Variants in SLC4A4 observed in about 807,000 individuals in gnomAD.
SLC4A4 encodes electrogenic sodium bicarbonate cotransporter 1.
In SLC4A4, 27 loss-of-function variants were observed where a neutral mutation model predicts 111.5. The observed-to-expected ratio is 0.24, with a 90% CI of 0.18 to 0.33. The LOEUF is 0.33. SLC4A4 is among the 10% of genes least tolerant of loss of function. SLC4A4 has a pLI of 1.00. For missense variants in SLC4A4, 909 were observed against 1,315.5 expected, an observed-to-expected ratio of 0.69 and a Z score of 4.78; for synonymous variants, 443 against 463.4, an observed-to-expected ratio of 0.96 and a Z score of 0.57.
At chr4:71,111,604 A>G (rs1447392782) in intron 2 of SLC4A4, among the ~76,000 whole-genome samples, 5 of 126,584 alleles carry the variant, frequency 3.9e-5, no homozygotes, top group African/African-American at 1.5e-4. Context: ...CTGGTCTTGA[A>G]CTCCTGACCT....
chr4:71,137,067 C>G (rs556894289), intron 2 of SLC4A4, among the ~76,000 whole-genome samples: 2 of 152,276 alleles, frequency 1.3e-5, no homozygotes, highest in South Asian at 4.1e-4. Flanking sequence ...GTCTGGCTCC[C>G]TTACCAGTTT....
intron 23 of SLC4A4, among the ~76,000 whole-genome samples, chr4:71,560,761 A>G (rs1199854960): frequency 6.6e-6 from 1 of 151,810 alleles, no homozygotes; most frequent in East Asian, 1.9e-4. Context: ...TTATACTGAT[A>G]TGATTCAGCA....
At chr4:71,090,117 C>T (rs1048982352) in intron 1 of SLC4A4, among the ~76,000 whole-genome samples, 17 of 152,046 alleles carry the variant, frequency 1.1e-4, no homozygotes, top group Admixed American at 2.0e-4. Context: ...CCCCCAGCCT[C>T]GCTGCCACCT....
chr4:71,121,943 C>CGGACGGGAGGAATGAACAACTCT (rs1743441270), intron 2 of SLC4A4, among the ~76,000 whole-genome samples: 1 of 152,032 alleles, frequency 6.6e-6, no homozygotes, highest in African/African-American at 2.4e-5. Context: ...TGAACAACTC[C>CGGACGGGAGGAATGAACAACTCT]GGACGGGAGG....
intron 2 of SLC4A4, among the ~76,000 whole-genome samples, chr4:71,105,721 G>A (rs1742896293): frequency 7.7e-6 from 1 of 130,144 alleles, no homozygotes; most frequent in Admixed American, 8.0e-5. Context: ...CTAGCCATAT[G>A]TAGAAAGCTG....
At chr4:71,454,647 A>C (rs977950523) in intron 12 of SLC4A4, among the ~76,000 whole-genome samples, 1 of 152,162 alleles carries the variant, frequency 6.6e-6, no homozygotes, top group Non-Finnish European at 1.5e-5. Context: ...GTCTAAATAC[A>C]AAAATACTAT....
At chr4:71,265,879 A>T (rs1722214865) in intron 3 of SLC4A4, among the ~76,000 whole-genome samples, 1 of 152,174 alleles carries the variant, frequency 6.6e-6, no homozygotes, top group Admixed American at 6.5e-5. Flanking sequence ...TGATTTTTAA[A>T]ATTACCAGCA....
At chr4:71,473,050 A>G (rs530337193) in intron 14 of SLC4A4, 80 bp downstream of exon 14, 44 of 1,446,546 alleles carry the variant, frequency 3.0e-5, no homozygotes, top group Non-Finnish European at 4.1e-5. Flanking sequence ...AATTTTCAAC[A>G]TGCTGTCATG....
At chr4:71,180,542 G>T (rs1745255216) in intron 2 of SLC4A4, among the ~76,000 whole-genome samples, 1 of 152,054 alleles carries the variant, frequency 6.6e-6, no homozygotes, top group Non-Finnish European at 1.5e-5. Flanking sequence ...GTGGGCAAAG[G>T]ATATGAACAG....
intron 16 of SLC4A4, among the ~76,000 whole-genome samples, chr4:71,502,185 T>A (rs1324166466): frequency 1.3e-5 from 2 of 152,226 alleles, no homozygotes. Flanking sequence ...CATCTTGAAC[T>A]GTTGATCTCA....
intron 2 of SLC4A4, among the ~76,000 whole-genome samples, chr4:71,237,680 C>T (rs953484317): frequency 6.6e-6 from 1 of 152,146 alleles, no homozygotes; most frequent in Non-Finnish European, 1.5e-5. Flanking sequence ...GCAAGTGATG[C>T]TCCTGTGCCA....
intron 1 of SLC4A4, among the ~76,000 whole-genome samples, chr4:71,065,635 A>T (rs1446712905): frequency 6.6e-6 from 1 of 152,096 alleles, no homozygotes; most frequent in Non-Finnish European, 1.5e-5. Flanking sequence ...ATATTTTGAG[A>T]TTATCTTTGG....
rs143977830 is a variant in SLC4A4, at chr4:71,123,914, G to A, written c.-2+31122G>A. 7.9e-5 allele frequency among the ~76,000 whole-genome samples: 12 copies of A among 152,286 alleles called. No homozygotes were observed. The East Asian group carries it at 2.3e-3, about 29-fold the overall frequency. ...GGACAGATTTAAGATATTCCACTTTGAGTATCTAATTTGATGCTTACTTCT... is the reference window on the plus strand; with the variant it reads ...GGACAGATTTAAGATATTCCACTTTAAGTATCTAATTTGATGCTTACTTCT... On this transcript the variant is annotated intron_variant, in intron 2 of 26. Coordinates refer to the SLC4A4 transcript ENST00000649996.
At chr4:71,555,946 A>G (rs1218089740) in intron 21 of SLC4A4, among the ~76,000 whole-genome samples, 1 of 151,990 alleles carries the variant, frequency 6.6e-6, no homozygotes, top group East Asian at 1.9e-4. Context: ...AATTGGCACC[A>G]GGAAACTGGA....
At chr4:71,195,742 A>T (rs941784814) in intron 1 of SLC4A4, among the ~76,000 whole-genome samples, 5 of 152,256 alleles carry the variant, frequency 3.3e-5, no homozygotes, top group African/African-American at 1.2e-4. Context: ...GATTTAAAAA[A>T]CAAGGGTATA....
At chr4:71,237,157 A>C (rs957601857) in intron 2 of SLC4A4, among the ~76,000 whole-genome samples, 2 of 152,196 alleles carry the variant, frequency 1.3e-5, no homozygotes, top group African/African-American at 4.8e-5. Flanking sequence ...AAGATGGACA[A>C]GCATTTTTTA....
At chr4:71,327,461 G>A (rs894238088) in intron 3 of SLC4A4, among the ~76,000 whole-genome samples, 1 of 151,974 alleles carries the variant, frequency 6.6e-6, no homozygotes, top group African/African-American at 2.4e-5. Context: ...TTATCTTGAG[G>A]AAGTCCCTTA....
intron 2 of SLC4A4, among the ~76,000 whole-genome samples, chr4:71,146,429 T>G (rs1231026161): frequency 2.0e-5 from 3 of 152,138 alleles, no homozygotes; most frequent in Admixed American, 2.0e-4. Flanking sequence ...ATTCTGTTGA[T>G]TTGGGGTGGA....
intron 20 of SLC4A4, among the ~76,000 whole-genome samples, chr4:71,553,743 A>C (rs929283171): frequency 6.6e-6 from 1 of 151,876 alleles, no homozygotes; most frequent in South Asian, 2.1e-4. Context: ...AAACATGCAC[A>C]TTGCAAAATA....
Sources: gnomAD v4.1 joint callset for allele counts (sites outside exome capture counted in the v4.1 genomes callset) on GRCh38, gnomAD v4.1.1 for gene constraint, MANE v1.5 for transcripts, NCBI Gene and HGNC (gene_info 2026-07-23, HGNC 2026-07-21) for gene names.